MTSS1: variants seen among roughly 807,000 people sequenced by gnomAD.
MTSS1 encodes the protein MTSS I-BAR domain containing 1, also known as protein MTSS 1.
A neutral mutation model predicts 79.0 loss-of-function variants in MTSS1; 18 were observed. The ratio of observed to expected loss-of-function variants is 0.23; its 90% CI spans 0.16 to 0.34. MTSS1 has a LOEUF of 0.34. MTSS1 is among the 10% of genes least tolerant of loss of function. The pLI is 1.00. For missense variants in MTSS1, 815 were observed against 986.2 expected, an observed-to-expected ratio of 0.83 and a Z score of 2.33; for synonymous variants, 341 against 368.6, an observed-to-expected ratio of 0.93 and a Z score of 0.86.
Position 124,597,251 on chromosome 8 carries a change from A to G in MTSS1, c.209-6016T>C, listed in dbSNP as rs1299528103. Reference sequence around the variant, plus strand: ...CCCATGTTACAAATGAAAACACCTGAGGCTCAGGAGGGTTAACAACCTTGC... The same window carrying G: ...CCCATGTTACAAATGAAAACACCTGGGGCTCAGGAGGGTTAACAACCTTGC... On this transcript the variant is annotated intron_variant, in intron 3 of 13. Transcript: ENST00000518547. This position sits in a 1 kb window ranked among gnomAD's most constrained non-coding sequence, Gnocchi z 4.6. Among the ~76,000 whole-genome samples, 1 of 152,116 alleles carries G rather than the reference A, an allele frequency of 6.6e-6. No individual in the cohort carries two copies. The highest frequency in any genetic ancestry group is 1.9e-4 in the East Asian group (1 of 5,182).
chr8:124,650,707 T>C (rs921883376), intron 3 of MTSS1, among the ~76,000 whole-genome samples: 74 of 152,298 alleles, frequency 4.9e-4, no homozygotes, highest in African/African-American at 1.8e-3. Flanking sequence ...GTTTGGGTGC[T>C]GGTTTTACGG....
intron 3 of MTSS1, among the ~76,000 whole-genome samples, chr8:124,636,918 C>T (rs1817105633): frequency 6.6e-6 from 1 of 152,210 alleles, no homozygotes; most frequent in South Asian, 2.1e-4. Context: ...TTATCCTCTC[C>T]CAGGTCTTAC....
In MTSS1 at chr8:124,562,886, G is replaced by T. The variant is rs1279692081; in HGVS notation, c.931C>A (p.Pro311Thr). 6.2e-7 allele frequency: 1 copy of T among 1,614,118 alleles called. No individual in the cohort carries two copies. Among genetic ancestry groups the T allele is most frequent in the Non-Finnish European group, 8.5e-7 (1 of 1,180,006 alleles). Residue 311 changes from proline (P) to threonine (T), a missense_variant, in exon 10 of 14, where the codon CCT (proline) becomes ACT (threonine). Physicochemically the swap from Pro to Thr is conservative, Grantham distance 38. This residue lies in a region of MTSS1 where 590 missense variants were observed against 620.8 expected (regional missense o/e 0.95). Transcript: ENST00000518547. ...YRSSNLAQQA[P>T]VRLSSVSSHD... ...GAGGACACGCTGGACAGCCTCACAGGAGCCTGCTGGGCCAGGTTGGAGCTG... is the reference window on the plus strand; with the variant it reads ...GAGGACACGCTGGACAGCCTCACAGTAGCCTGCTGGGCCAGGTTGGAGCTG...
At chr8:124,674,133 TA>T (rs1211653814) in intron 3 of MTSS1, among the ~76,000 whole-genome samples, 4 of 152,174 alleles carry the variant, frequency 2.6e-5, no homozygotes, top group Non-Finnish European at 5.9e-5. Context: ...TATATTATTT[TA>T]TTTTTTTATT....
At chr8:124,565,019 A>G (rs941307560) in intron 9 of MTSS1, among the ~76,000 whole-genome samples, 2 of 152,362 alleles carry the variant, frequency 1.3e-5, no homozygotes, top group African/African-American at 2.4e-5. Flanking sequence ...CCATCTTTCA[A>G]GGAGAGGAAA....
intron 3 of MTSS1, among the ~76,000 whole-genome samples, chr8:124,603,864 T>A (rs944990913): frequency 1.3e-5 from 2 of 152,182 alleles, no homozygotes; most frequent in African/African-American, 2.4e-5. Context: ...TACAAGATCA[T>A]CTCAGTCGGG....
chr8:124,669,370 T>C (rs1225888992), intron 3 of MTSS1, among the ~76,000 whole-genome samples: 1 of 152,240 alleles, frequency 6.6e-6, no homozygotes, highest in African/African-American at 2.4e-5. Context: ...TGGCTCCTAC[T>C]GTTTGCACAA....
chr8:124,650,228 A>G (rs936560878), intron 3 of MTSS1, among the ~76,000 whole-genome samples: 1 of 152,094 alleles, frequency 6.6e-6, no homozygotes, highest in African/African-American at 2.4e-5. Context: ...ATGGGGTTTC[A>G]CCATGTTGGC....
chr8:124,634,784 T>G (rs1196800722), intron 3 of MTSS1, among the ~76,000 whole-genome samples: 1 of 152,092 alleles, frequency 6.6e-6, no homozygotes, highest in Admixed American at 6.5e-5. Flanking sequence ...AGCAGCAGAA[T>G]CACCTGGGAG....
At chr8:124,622,381 C>A (rs1813737127) in intron 3 of MTSS1, among the ~76,000 whole-genome samples, 2 of 149,740 alleles carry the variant, frequency 1.3e-5, no homozygotes, top group Admixed American at 6.7e-5. Flanking sequence ...ATGCAAGATG[C>A]ATCGCCCAGA....
intron 3 of MTSS1, among the ~76,000 whole-genome samples, chr8:124,670,054 T>C (rs1208018350): frequency 1.3e-5 from 2 of 152,094 alleles, no homozygotes; most frequent in Non-Finnish European, 2.9e-5. Flanking sequence ...TACATGCTAG[T>C]GGGAGGGTGG....
chr8:124,724,551 A>G (rs1049371546), intron 1 of MTSS1, among the ~76,000 whole-genome samples: 1 of 152,200 alleles, frequency 6.6e-6, no homozygotes, highest in Non-Finnish European at 1.5e-5. Flanking sequence ...CTTGAGCAAC[A>G]AGGGTGAAGA....
Position 124,643,448 on chromosome 8 carries a change from A to G in MTSS1, c.209-52213T>C, listed in dbSNP as rs546546335. Among the ~76,000 whole-genome samples the G allele has an allele frequency of 2.8e-4, 42 of 152,332 alleles. No individual in the cohort carries two copies. The South Asian group carries it at 6.2e-3, about 23-fold the overall frequency. On this transcript the variant is annotated intron_variant, in intron 3 of 13. Transcript: ENST00000518547. ...CGCAGTGGCTCATGCCTGTAATCCC[A>G]GCACTTTGGGAGGCCGAGGCAGGCA...
chr8:124,690,290 G>C (rs977898135), intron 3 of MTSS1, among the ~76,000 whole-genome samples: 1 of 152,136 alleles, frequency 6.6e-6, no homozygotes, highest in African/African-American at 2.4e-5. Flanking sequence ...AAGCCTAATG[G>C]GGAAACCCCA....
intron 3 of MTSS1, among the ~76,000 whole-genome samples, chr8:124,635,526 G>A (rs186046110): frequency 2.0e-5 from 3 of 152,338 alleles, no homozygotes; most frequent in Non-Finnish European, 2.9e-5. Flanking sequence ...GAACGCCTCT[G>A]TTCCTATAAG....
chr8:124,678,017 C>T (rs1407498902), intron 3 of MTSS1, among the ~76,000 whole-genome samples: 2 of 152,142 alleles, frequency 1.3e-5, no homozygotes, highest in Admixed American at 6.5e-5. Flanking sequence ...AAAGAAAGGA[C>T]ATCAAAATAT....
intron 7 of MTSS1, chr8:124,567,511 T>C (rs1826769051): frequency 1.0e-6 from 1 of 956,630 alleles, no homozygotes; most frequent in Non-Finnish European, 1.5e-6. Context: ...GCCCTCTTCA[T>C]ACTGTGGCCC....
chr8:124,720,806 T>C (rs1832799026), intron 1 of MTSS1, among the ~76,000 whole-genome samples: 1 of 152,206 alleles, frequency 6.6e-6, no homozygotes, highest in Non-Finnish European at 1.5e-5. Context: ...CAAGACAGAA[T>C]AGTAACTGCT....
intron 5 of MTSS1, among the ~76,000 whole-genome samples, chr8:124,585,851 C>G (rs1830777836): frequency 1.3e-5 from 2 of 152,086 alleles, no homozygotes; most frequent in African/African-American, 4.8e-5. Flanking sequence ...ACAAAAAACC[C>G]CTATGTGGAA....
Sources: gnomAD v4.1 joint callset for allele counts (sites outside exome capture counted in the v4.1 genomes callset) on GRCh38, gnomAD v4.1.1 for gene constraint, gnomAD v4.1.1 regional missense constraint, Gnocchi (gnomAD v3.1) non-coding constraint, MANE v1.5 for transcripts, NCBI Gene and HGNC (gene_info 2026-07-23, HGNC 2026-07-21) for gene names.